GABRG3: variants seen among roughly 807,000 people sequenced by gnomAD.
GABRG3 encodes the protein gamma-aminobutyric acid receptor subunit gamma-3.
GABRG3 carries 25 observed loss-of-function variants against 48.8 expected under a neutral mutation model. The observed-to-expected ratio is 0.51, with a 90% CI of 0.37 to 0.72. The LOEUF is 0.72. Ranked by LOEUF, GABRG3 falls within the 30% of genes least tolerant of loss-of-function variation. The probability of loss-of-function intolerance (pLI) is 0.00; values close to 1 mark genes in which losing one functional copy is unlikely to be tolerated. For missense variants in GABRG3, 394 were observed against 577.9 expected, an observed-to-expected ratio of 0.68 and a Z score of 3.26; for synonymous variants, 227 against 217.6, an observed-to-expected ratio of 1.04 and a Z score of -0.38.
At chr15:27,412,666 C>A (rs62003767) in intron 5 of GABRG3, among the ~76,000 whole-genome samples, 25,572 of 152,146 alleles carry the variant, frequency 0.17, 2,284 homozygotes, top group Middle Eastern at 0.26. Context: ...GAAGAGGCAG[C>A]GTGGTCTTAG....
rs560785597 is a variant in GABRG3 at position 27,225,681 on chromosome 15, GTGTGAGGGACTTTGTAGCC to G, written c.271-101124_271-101106del. On this transcript the variant is annotated intron_variant, in intron 3 of 9. Coordinates refer to ENST00000615808, the MANE Select transcript of GABRG3 (RefSeq NM_033223.5). The stretch of plus-strand genomic sequence containing the variant: ...CTATTGAGGGCATGGCCCAGGAATG[GTGTGAGGGACTTTGTAGCC>G]TGTCTAGTAAAATGCATCTAAAGTT... Among the ~76,000 whole-genome samples, 71 of 152,214 alleles carry G rather than the reference GTGTGAGGGACTTTGTAGCC, an allele frequency of 4.7e-4. 1 individual carries two copies. The South Asian group carries it at 0.015, about 32-fold the overall frequency.
chr15:27,002,381 A>G (rs191325487), intron 2 of GABRG3, among the ~76,000 whole-genome samples: 112 of 152,296 alleles, frequency 7.4e-4, no homozygotes, highest in African/African-American at 2.5e-3. Flanking sequence ...CTCCCTCAGC[A>G]TGGATTCTGA....
At chr15:27,265,898 G>C (rs1390405107) in intron 3 of GABRG3, among the ~76,000 whole-genome samples, 1 of 31,886 alleles carries the variant, frequency 3.1e-5, no homozygotes, top group Non-Finnish European at 7.5e-5. Context: ...TTTTTTTTTT[G>C]AGAGTGACCT....
At chr15:27,186,423 G>A (rs185094097) in intron 3 of GABRG3, among the ~76,000 whole-genome samples, 1 of 152,250 alleles carries the variant, frequency 6.6e-6, no homozygotes, top group African/African-American at 2.4e-5. Flanking sequence ...TGATGGATAT[G>A]TAAGTTGACT....
At chr15:27,415,665 A>G (rs1176578934) in intron 5 of GABRG3, among the ~76,000 whole-genome samples, 1 of 152,146 alleles carries the variant, frequency 6.6e-6, no homozygotes, top group African/African-American at 2.4e-5. Flanking sequence ...CATTTAAAAA[A>G]ATAAATAAAT....
In GABRG3 at chr15:27,468,501, G is replaced by T. The variant is rs968149685; in HGVS notation, c.575-12149G>T. Among the ~76,000 whole-genome samples, 4 of 152,192 alleles carry T rather than the reference G, an allele frequency of 2.6e-5. No homozygotes were observed. In the East Asian group the frequency reaches 7.7e-4, roughly 29 times the overall value. ...ATTCAGTGCCGTGTTGGATCCAGTT[G>T]GTCTTAGCCAGTTTGGTCCACATCC... is the stretch of plus-strand genomic sequence containing the variant. On this transcript the variant is annotated intron_variant, in intron 5 of 9. Coordinates refer to ENST00000615808, the MANE Select transcript of GABRG3 (RefSeq NM_033223.5).
chr15:27,469,553 C>G (rs12440580), intron 5 of GABRG3, among the ~76,000 whole-genome samples: 46,105 of 151,976 alleles, frequency 0.3, 7,818 homozygotes, highest in African/African-American at 0.46. Flanking sequence ...GTTGATCAGG[C>G]TGGTCTCGAA....
At chr15:27,418,243 G>A (rs533118521) in intron 5 of GABRG3, among the ~76,000 whole-genome samples, 1 of 152,338 alleles carries the variant, frequency 6.6e-6, no homozygotes, top group African/African-American at 2.4e-5. Context: ...CAGCAGAGCT[G>A]GAAGATGGTG....
intron 6 of GABRG3, among the ~76,000 whole-genome samples, chr15:27,518,195 CAAAAAAAAAA>C (rs58222645): frequency 1.1e-5 from 1 of 88,032 alleles, no homozygotes; most frequent in Non-Finnish European, 2.3e-5. Flanking sequence ...ACTAAAAATA[CAAAAAAAAAA>C]AAAAAAAAAA....
At chr15:27,145,603 C>CTATCTCTATCTATCTATCTA in intron 3 of GABRG3, among the ~76,000 whole-genome samples, 1 of 102,388 alleles carries the variant, frequency 9.8e-6, no homozygotes, top group East Asian at 2.3e-4. Flanking sequence ...ATATATCTAT[C>CTATCTCTATCTATCTATCTA]TCTATCTATC....
At chr15:27,067,124 G>A (rs981348917) in intron 3 of GABRG3, among the ~76,000 whole-genome samples, 1 of 152,276 alleles carries the variant, frequency 6.6e-6, no homozygotes, top group Middle Eastern at 3.4e-3. Context: ...CACCTTTGCC[G>A]TGGAGGGAGC....
rs571078549 is a variant in GABRG3 at position 27,263,151 on chromosome 15, G to A, written c.271-63658G>A. Among the ~76,000 whole-genome samples the A allele has an allele frequency of 6.6e-5, 10 of 152,306 alleles. No individual in the cohort carries two copies. The East Asian group carries it at 7.7e-4, about 12-fold the overall frequency. Reference sequence around the variant, plus strand: ...CAGTCATGACAAGGTGACAGTGACCGTAAACTTCTCGGAAAGAAATCGATG... The same window carrying A: ...CAGTCATGACAAGGTGACAGTGACCATAAACTTCTCGGAAAGAAATCGATG... On this transcript the variant is annotated intron_variant, in intron 3 of 9. Transcript: ENST00000615808.
At chr15:27,317,413 G>A (rs1893268791) in intron 3 of GABRG3, among the ~76,000 whole-genome samples, 1 of 152,158 alleles carries the variant, frequency 6.6e-6, no homozygotes, top group Non-Finnish European at 1.5e-5. Context: ...GCAAGCCTAG[G>A]AACCCACTGC....
At chr15:27,520,353 A>G (rs371332523) in intron 7 of GABRG3, among the ~76,000 whole-genome samples, 38 of 152,116 alleles carry the variant, frequency 2.5e-4, no homozygotes, top group Admixed American at 1.5e-3. Flanking sequence ...TTCACAGTAA[A>G]TCCATTGTGA....
intron 2 of GABRG3, among the ~76,000 whole-genome samples, chr15:26,996,121 C>G (rs1179622178): frequency 2.0e-5 from 3 of 151,992 alleles, no homozygotes; most frequent in African/African-American, 7.2e-5. Context: ...CTTTTTTATG[C>G]AATTGCCTTT....
intron 3 of GABRG3, among the ~76,000 whole-genome samples, chr15:27,275,694 G>C (rs889030662): frequency 6.6e-6 from 1 of 152,210 alleles, no homozygotes; most frequent in African/African-American, 2.4e-5. Flanking sequence ...GTTAAGAACA[G>C]ACAAATGATC....
intron 2 of GABRG3, among the ~76,000 whole-genome samples, chr15:27,004,138 C>A (rs1042067269): frequency 6.6e-6 from 1 of 151,160 alleles, no homozygotes; most frequent in Non-Finnish European, 1.5e-5. Flanking sequence ...GACCCCCCCA[C>A]CTCCCTCCCG....
rs188146091 is a variant in GABRG3, at chr15:27,257,129, C to T, written c.271-69680C>T. 1.0e-3 allele frequency among the ~76,000 whole-genome samples: 152 copies of T among 152,124 alleles called. 2 individuals are homozygous for T. Among genetic ancestry groups the T allele is most frequent in the Non-Finnish European group, 2.1e-4 (14 of 67,992 alleles). On this transcript the variant is annotated intron_variant, in intron 3 of 9. Coordinates refer to ENST00000615808, the MANE Select transcript of GABRG3 (RefSeq NM_033223.5). Reference sequence around the variant, plus strand: ...TCATTCTAACTGTGAAGTGATGCCTCGTTGTGGTTTTAATTTGCATTTCTT... The same window carrying T: ...TCATTCTAACTGTGAAGTGATGCCTTGTTGTGGTTTTAATTTGCATTTCTT...
chr15:27,470,818 A>G (rs950209008), intron 5 of GABRG3, among the ~76,000 whole-genome samples: 1 of 151,982 alleles, frequency 6.6e-6, no homozygotes, highest in East Asian at 1.9e-4. Context: ...AATTACCTCT[A>G]GATTTTGAGT....
Sources: gnomAD v4.1 joint callset for allele counts (sites outside exome capture counted in the v4.1 genomes callset) on GRCh38, gnomAD v4.1.1 for gene constraint, MANE v1.5 for transcripts, NCBI Gene and HGNC (gene_info 2026-07-23, HGNC 2026-07-21) for gene names.